The following RUNX1 variants were observed in gnomAD, a reference collection of about 807,000 sequenced individuals.
The protein encoded by RUNX1 is runt-related transcription factor 1.
Under a neutral mutation model 42.8 loss-of-function variants are expected in RUNX1, and 19 were observed. The observed-to-expected ratio is 0.44, with a 90% CI of 0.31 to 0.65. The LOEUF (loss-of-function observed/expected upper bound fraction) is 0.65, where lower values mean the gene tolerates loss of function less well. Among genes scored for constraint, RUNX1 ranks in the 30% least tolerant of loss-of-function variants. The pLI is 0.07. For synonymous variants in RUNX1, 271 were observed against 289.4 expected, an observed-to-expected ratio of 0.94 and a Z score of 0.64; for missense variants, 528 against 672.0, an observed-to-expected ratio of 0.79 and a Z score of 2.37.
chr21:34,858,857 C>T (rs2057530706), intron 6 of RUNX1, among the ~76,000 whole-genome samples: 2 of 152,156 alleles, frequency 1.3e-5, no homozygotes, highest in Admixed American at 1.3e-4. Context: ...TAAACAACCT[C>T]ACTCATTTTT....
At chr21:35,015,434 G>C (rs2059152467) in intron 2 of RUNX1, among the ~76,000 whole-genome samples, 1 of 152,164 alleles carries the variant, frequency 6.6e-6, no homozygotes, top group South Asian at 2.1e-4. Context: ...TGTTTACCAT[G>C]GGATAATGGG....
chr21:34,896,096 T>A (rs2058127909), intron 2 of RUNX1, among the ~76,000 whole-genome samples: 1 of 152,020 alleles, frequency 6.6e-6, no homozygotes, highest in South Asian at 2.1e-4. Flanking sequence ...TCGTGATGTC[T>A]CTCTGAGCTT....
At chr21:35,003,224 C>A (rs561741027) in intron 2 of RUNX1, among the ~76,000 whole-genome samples, 274 of 152,274 alleles carry the variant, frequency 1.8e-3, no homozygotes, top group Middle Eastern at 0.014. Context: ...TCTGTAATGG[C>A]AAAGGACCCC....
In RUNX1 at chr21:34,860,744, CAT is replaced by C. The variant is rs60027274; in HGVS notation, c.509-1168_509-1167del. On this transcript the variant is annotated intron_variant, in intron 5 of 8. Transcript: ENST00000675419. ...AAGGAAAATATTTTCAATTGTCACA[CAT>C]GTCTTAATACAAAGGAAGGCCACAG... Among the ~76,000 whole-genome samples the C allele has an allele frequency of 8.0e-3, 1,220 of 152,250 alleles. 17 individuals are homozygous for C. The highest frequency in any genetic ancestry group is 0.027 in the African/African-American group (1,140 of 41,536).
intron 2 of RUNX1, among the ~76,000 whole-genome samples, chr21:34,990,839 C>T (rs2058931663): frequency 6.6e-6 from 1 of 152,142 alleles, no homozygotes; most frequent in African/African-American, 2.4e-5. Flanking sequence ...GATCCACCCG[C>T]CTCGGCCTTC....
At chr21:34,822,090 T>C (rs1218371892) in intron 7 of RUNX1, among the ~76,000 whole-genome samples, 1 of 152,206 alleles carries the variant, frequency 6.6e-6, no homozygotes, top group Non-Finnish European at 1.5e-5. Flanking sequence ...CTGAGAATGT[T>C]AGTTAGGGGT....
rs71841507 is a variant in RUNX1 at position 34,930,703 on chromosome 21, ACTCTCTCT to A, written c.59-37748_59-37741del. ...AATGGCTACACTGCCACACACACAC[ACTCTCTCT>A]CTCTCTCTCACACACACACACACAC... On this transcript the variant is annotated intron_variant, in intron 2 of 8. Coordinates refer to ENST00000675419, the MANE Select transcript of RUNX1 (RefSeq NM_001754.5). Among the ~76,000 whole-genome samples the A allele has an allele frequency of 3.9e-3, 577 of 149,180 alleles. 5 individuals are homozygous for A. Among genetic ancestry groups the A allele is most frequent in the Non-Finnish European group, 6.7e-3 (448 of 67,256 alleles).
At chr21:34,889,766 C>T (rs2058056621) in intron 3 of RUNX1, 3 of 1,153,490 alleles carry the variant, frequency 2.6e-6, no homozygotes, top group Non-Finnish European at 3.2e-6. Context: ...GCCCCGCCCC[C>T]GGTCCGGCGT....
chr21:35,026,297 G>C (rs1407692632), intron 2 of RUNX1, among the ~76,000 whole-genome samples: 1 of 152,202 alleles, frequency 6.6e-6, no homozygotes, highest in Non-Finnish European at 1.5e-5. Context: ...GTTACCCACT[G>C]ACTTCTCATC....
At chr21:34,817,022 G>A (rs558326159) in intron 7 of RUNX1, among the ~76,000 whole-genome samples, 5 of 152,160 alleles carry the variant, frequency 3.3e-5, no homozygotes, top group Middle Eastern at 3.4e-3. Context: ...CTGCTTCTTC[G>A]GCCACTTTCC....
intron 2 of RUNX1, among the ~76,000 whole-genome samples, chr21:34,966,752 T>TG (rs2058721650): frequency 6.6e-6 from 1 of 152,248 alleles, no homozygotes; most frequent in Non-Finnish European, 1.5e-5. Flanking sequence ...AATGCTATTA[T>TG]GGTTATATAC....
chr21:35,029,025 C>CCACTTGA (rs1412885545), intron 2 of RUNX1, among the ~76,000 whole-genome samples: 4 of 152,128 alleles, frequency 2.6e-5, no homozygotes, highest in African/African-American at 9.7e-5. Flanking sequence ...CACTTGAAAT[C>CCACTTGA]AAGGTCACCA....
chr21:34,902,860 G>A (rs192977797), intron 2 of RUNX1, among the ~76,000 whole-genome samples: 155 of 152,238 alleles, frequency 1.0e-3, no homozygotes, highest in Non-Finnish European at 1.6e-3. Context: ...GTGGGAAATC[G>A]GCCCGGGTCT....
At chr21:34,857,978 A>G (rs566496474) in intron 6 of RUNX1, among the ~76,000 whole-genome samples, 32 of 152,342 alleles carry the variant, frequency 2.1e-4, no homozygotes, top group African/African-American at 6.7e-4. Flanking sequence ...CTCGATCAGA[A>G]AAAGCTGAGA....
chr21:34,847,930 T>TC (rs1046845221), intron 6 of RUNX1, among the ~76,000 whole-genome samples: 1 of 152,092 alleles, frequency 6.6e-6, no homozygotes, highest in African/African-American at 2.4e-5. Flanking sequence ...TTTTTTTTCT[T>TC]CTTTTTTTTT....
At chr21:34,934,855 C>T (rs2058473812) in intron 2 of RUNX1, among the ~76,000 whole-genome samples, 1 of 152,094 alleles carries the variant, frequency 6.6e-6, no homozygotes, top group Non-Finnish European at 1.5e-5. Flanking sequence ...GCAGATGATC[C>T]AGGAGGCTTC....
intron 2 of RUNX1, among the ~76,000 whole-genome samples, chr21:34,982,069 T>C (rs1442742891): frequency 6.6e-6 from 1 of 152,222 alleles, no homozygotes; most frequent in Non-Finnish European, 1.5e-5. Flanking sequence ...GGAGGAGCCG[T>C]ACAGACAGAA....
At chr21:34,834,675 T>C in intron 6 of RUNX1, 74 bp from the exon 7 acceptor site, 1 of 1,340,484 alleles carries the variant, frequency 7.5e-7, no homozygotes, top group Non-Finnish European at 1.0e-6. Context: ...AAAAGTATTG[T>C]GGATTTCCTA....
intron 2 of RUNX1, among the ~76,000 whole-genome samples, chr21:35,047,300 G>GT (rs2059402850): frequency 6.6e-6 from 1 of 151,964 alleles, no homozygotes; most frequent in South Asian, 2.1e-4. Context: ...CCAGGGAGCC[G>GT]TTTGCAGCTT....
Sources: gnomAD v4.1 joint callset for allele counts (sites outside exome capture counted in the v4.1 genomes callset) on GRCh38, gnomAD v4.1.1 for gene constraint, MANE v1.5 for transcripts, NCBI Gene and HGNC (gene_info 2026-07-23, HGNC 2026-07-21) for gene names.